FOXF2: variants seen among roughly 807,000 people sequenced by gnomAD.
The protein encoded by FOXF2 is forkhead box protein F2.
In FOXF2, 15 loss-of-function variants were observed where a neutral mutation model predicts 29.1. The observed-to-expected ratio is 0.52, with a 90% CI of 0.35 to 0.79. FOXF2 has a LOEUF of 0.79. FOXF2 is among the 30% of genes least tolerant of loss of function. The pLI, the probability that FOXF2 is intolerant of heterozygous loss-of-function variation, is 0.01. For synonymous variants in FOXF2, 337 were observed against 316.5 expected (o/e 1.06, Z -0.69); for missense variants, 675 against 667.1 (o/e 1.01, Z -0.13).
chr6:1,390,271 C>T lies in FOXF2; in HGVS notation c.324C>T (p.Leu108=). 6.2e-7 allele frequency: 1 copy of T among 1,612,244 alleles called. No homozygotes were observed. The highest frequency in any genetic ancestry group is 8.5e-7 in the Non-Finnish European group (1 of 1,179,780). Residue 108 remains leucine, a synonymous_variant, in exon 1 of 2, where the codon CTC becomes CTT. Transcript: ENST00000645481. The surrounding 1 kb of genome is among the most constrained non-coding windows in gnomAD (Gnocchi z 8.5). Reference sequence around the variant, plus strand: ...AGCCGCCCTACTCGTACATCGCGCTCATCGTCATGGCCATCCAGAGCTCGC... The same window carrying T: ...AGCCGCCCTACTCGTACATCGCGCTTATCGTCATGGCCATCCAGAGCTCGC... ...PEKPPYSYIA[L]IVMAIQSSPS...
At position 1,394,709 on chromosome 6, in the gene FOXF2, TTACCAGCATCACTC is replaced by T; in HGVS notation, c.1189_1202del (p.Gln397SerfsTer4). On this transcript the variant is annotated frameshift_variant, in exon 2 of 2. Coordinates refer to ENST00000645481, the MANE Select transcript of FOXF2 (RefSeq NM_001452.2). LOFTEE classifies it high-confidence loss of function. The stretch of plus-strand genomic sequence containing the variant: ...TTCTTCTTTCAGTGGGACTGCCCCG[TTACCAGCATCACTC>T]TACTCCAGTGTGTGACAGAAAAGAT... 1 of 1,614,142 alleles carries T rather than the reference TTACCAGCATCACTC, an allele frequency of 6.2e-7. No homozygotes were observed. Among genetic ancestry groups the T allele is most frequent in the Non-Finnish European group, 8.5e-7 (1 of 1,180,030 alleles).
rs1035940927 is a variant in FOXF2, at chr6:1,394,564, T to C, written c.1172-132T>C. ...TTGAGCTACTTCTAAAGCTGGGCTT[T>C]CTCTACCAGCTGTCTAGCAATTTAC... On this transcript the variant is annotated intron_variant, in intron 1 of 1. Transcript: ENST00000645481. The C allele has an allele frequency of 1.6e-5, 13 of 805,328 alleles. No individual in the cohort carries two copies. The African/African-American group carries it at 2.2e-4, about 14-fold the overall frequency. 49.9% of individuals were successfully genotyped at this position (805,328 alleles called of 1,614,324 possible). A position where few individuals can be genotyped will look rare whatever the true frequency, so the allele number is the denominator to read the frequency against.
chr6:1,394,913 C>G lies in FOXF2; in HGVS notation c.*54C>G. On this transcript the variant is annotated 3_prime_UTR_variant, in exon 2 of 2. Coordinates refer to ENST00000645481, the MANE Select transcript of FOXF2 (RefSeq NM_001452.2). ...TCTCCTCTCCCCTCCTCAGAGGGGG[C>G]AGATAGAAACTGGGACGGATTCAAG... 4 of 1,547,384 alleles carry G rather than the reference C, an allele frequency of 2.6e-6. No homozygotes were observed. Among genetic ancestry groups the G allele is most frequent in the African/African-American group, 1.4e-5 (1 of 73,728 alleles).
intron 1 of FOXF2, among the ~76,000 whole-genome samples, chr6:1,393,904 C>T (rs1581263680): frequency 6.6e-6 from 1 of 152,158 alleles, no homozygotes; most frequent in Non-Finnish European, 1.5e-5. Context: ...TCAAGCGGCC[C>T]GGTGCAGGCC....
chr6:1,394,621 A>G (rs916094534), intron 1 of FOXF2, 75 bp from the exon 2 acceptor site: 4 of 1,461,394 alleles, frequency 2.7e-6, no homozygotes, highest in Non-Finnish European at 3.8e-6. Context: ...TTGTACTCTG[A>G]GGCAAAATAA....
chr6:1,392,402 T>G (rs1378849947), intron 1 of FOXF2, among the ~76,000 whole-genome samples: 3 of 150,892 alleles, frequency 2.0e-5, no homozygotes, highest in African/African-American at 7.4e-5. Flanking sequence ...CCTTCCCCTC[T>G]TATTTTTGTA....
At chr6:1,392,340 CAG>C (rs1230055900) in intron 1 of FOXF2, among the ~76,000 whole-genome samples, 4 of 151,976 alleles carry the variant, frequency 2.6e-5, no homozygotes, top group Admixed American at 6.6e-5. Context: ...CCACTGAGAA[CAG>C]AGTCTTGTTC....
In FOXF2 at chr6:1,390,116, GCCTCGT is replaced by G; in HGVS notation, c.180_185del (p.Ser62_Ser63del). 7.0e-7 allele frequency: 1 copy of G among 1,436,598 alleles called. No individual in the cohort carries two copies. The highest frequency in any genetic ancestry group is 9.2e-7 in the Non-Finnish European group (1 of 1,081,108). The allele number at this position is 1,436,598 out of a possible 1,614,324, so 89.0% of individuals were successfully genotyped here. On this transcript the variant is annotated inframe_deletion, in exon 1 of 2. Coordinates refer to ENST00000645481, the MANE Select transcript of FOXF2 (RefSeq NM_001452.2). The surrounding 1 kb of genome is among the most constrained non-coding windows in gnomAD (Gnocchi z 8.5). ...CTCGTCGTCGTCCTCCGCCTCCTGC[GCCTCGT>G]CCTCGTCCTCCTCCAATTCGGCCAG...
In FOXF2 at chr6:1,390,633, C is replaced by G. The variant is rs759172368; in HGVS notation, c.686C>G (p.Ala229Gly). 4.4e-6 allele frequency: 7 copies of G among 1,581,774 alleles called. No homozygotes were observed. Among genetic ancestry groups the G allele is most frequent in the Middle Eastern group, 1.7e-4 (1 of 5,830 alleles). Residue 229 changes from alanine (A) to glycine (G), a missense_variant, in exon 1 of 2, where the codon GCG (alanine) becomes GGG (glycine). This residue lies in a region of FOXF2 where 451 missense variants were observed against 437.2 expected (regional missense o/e 1.03). Transcript: ENST00000645481. This position sits in a 1 kb window ranked among gnomAD's most constrained non-coding sequence, Gnocchi z 8.5. ...CTGCCCCAGGGCTTCGACTTCCAGG[C>G]GCCCCCGTCGGCGCCGCTCGGCTGC... ...SLLPQGFDFQ[A>G]PPSAPLGCHS... is the part of the protein sequence containing the mutation.
Position 1,395,111 on chromosome 6 carries a change from G to A in FOXF2, c.*252G>A. 1.8e-6 allele frequency: 1 copy of A among 548,070 alleles called. No homozygotes were observed. The highest frequency in any genetic ancestry group is 3.1e-5 in the Admixed American group (1 of 32,262). 34.0% of individuals were successfully genotyped at this position (548,070 alleles called of 1,614,324 possible). Reference sequence around the variant, plus strand: ...CCACATGAGGGAGAGGGCAGACTCAGGTGGGAAGATGTGCCATGCGTAAGG... The same window carrying A: ...CCACATGAGGGAGAGGGCAGACTCAAGTGGGAAGATGTGCCATGCGTAAGG... On this transcript the variant is annotated 3_prime_UTR_variant, in exon 2 of 2. Coordinates refer to ENST00000645481, the MANE Select transcript of FOXF2 (RefSeq NM_001452.2).
At chr6:1,394,284 C>T (rs1427131458) in intron 1 of FOXF2, among the ~76,000 whole-genome samples, 1 of 152,168 alleles carries the variant, frequency 6.6e-6, no homozygotes, top group Admixed American at 6.5e-5. Context: ...GTGCTTGGCC[C>T]TCCCTGAAGC....
Position 1,390,236 on chromosome 6 carries a change from C to T in FOXF2, c.289C>T (p.Arg97Trp). ...CAAGAAGGCGAGCTCGGGGCTGCGG[C>T]GGCCCGAGAAGCCGCCCTACTCGTA... ...GAKKASSGLR[R>W]PEKPPYSYIA... is the part of the protein sequence containing the mutation. Residue 97 changes from arginine to tryptophan, a missense_variant, in exon 1 of 2, where the codon CGG becomes TGG. By Grantham distance (101) the Arg-to-Trp change is moderately radical (BLOSUM62 -3). This residue lies in a region of FOXF2 where 220 missense variants were observed against 205.5 expected (regional missense o/e 1.07). Coordinates refer to ENST00000645481, the MANE Select transcript of FOXF2 (RefSeq NM_001452.2). This position sits in a 1 kb window ranked among gnomAD's most constrained non-coding sequence, Gnocchi z 8.5. 3 of 1,600,110 alleles carry T rather than the reference C, an allele frequency of 1.9e-6. No homozygotes were observed. Among genetic ancestry groups the T allele is most frequent in the Non-Finnish European group, 2.6e-6 (3 of 1,175,782 alleles).
chr6:1,390,613 C>T lies in FOXF2; in HGVS notation c.666C>T (p.Pro222=). The T allele has an allele frequency of 1.3e-6, 2 of 1,590,850 alleles. No homozygotes were observed. The highest frequency in any genetic ancestry group is 4.5e-5 in the East Asian group (2 of 43,966). ...SGLGFGASLL[P]QGFDFQAPPS... ...TGGGCTTCGGGGCGTCGCTGCTGCC[C>T]CAGGGCTTCGACTTCCAGGCGCCCC... Residue 222 remains proline, a synonymous_variant, in exon 1 of 2, where the codon CCC becomes CCT. Transcript: ENST00000645481. This position sits in a 1 kb window ranked among gnomAD's most constrained non-coding sequence, Gnocchi z 8.5.
chr6:1,392,382 A>G (rs914088393), intron 1 of FOXF2, among the ~76,000 whole-genome samples: 8 of 151,638 alleles, frequency 5.3e-5, no homozygotes, highest in Admixed American at 6.6e-5. Context: ...CAAGTAACCA[A>G]TACAGGCGGC....
At chr6:1,393,566 G>A (rs1290747178) in intron 1 of FOXF2, among the ~76,000 whole-genome samples, 2 of 152,164 alleles carry the variant, frequency 1.3e-5, no homozygotes, top group African/African-American at 4.8e-5. Context: ...AGTAGGCAGC[G>A]GCCCCTGAGC....
At position 1,394,739 on chromosome 6, in the gene FOXF2, C is replaced by A. The variant is rs754949198; in HGVS notation, c.1215C>A (p.Asp405Glu). The A allele has an allele frequency of 6.2e-7, 1 of 1,614,114 alleles. No homozygotes were observed. The highest frequency in any genetic ancestry group is 1.7e-5 in the Admixed American group (1 of 60,024). ...RYQHHSTPVC[D>E]RKDFVLNFNG... Reference sequence around the variant, plus strand: ...AGCATCACTCTACTCCAGTGTGTGACAGAAAAGATTTCGTCCTCAACTTCA... The same window carrying A: ...AGCATCACTCTACTCCAGTGTGTGAAAGAAAAGATTTCGTCCTCAACTTCA... The change falls in exon 2 of 2, where the codon GAC (aspartate) becomes GAA (glutamate). Residue 405 changes from aspartate (D) to glutamate (E), a missense_variant. Asp to Glu is a conservative substitution (Grantham distance 45). Around this residue, in one of 3 missense-constraint regions of FOXF2, gnomAD observed 451 missense variants for 437.2 expected, o/e 1.03. Coordinates refer to ENST00000645481, the MANE Select transcript of FOXF2 (RefSeq NM_001452.2).
chr6:1,392,793 C>T (rs1483710139), intron 1 of FOXF2, among the ~76,000 whole-genome samples: 1 of 152,222 alleles, frequency 6.6e-6, no homozygotes, highest in Non-Finnish European at 1.5e-5. Flanking sequence ...CAAAGCAAGC[C>T]GGCCTCTGTG....
intron 1 of FOXF2, among the ~76,000 whole-genome samples, chr6:1,394,105 G>A (rs947748119): frequency 1.2e-4 from 19 of 152,238 alleles, no homozygotes; most frequent in Admixed American, 6.5e-5. Context: ...CCTGCGGAGG[G>A]GCAGGAGAAG....
rs1758777826 is a variant in FOXF2 at position 1,391,018 on chromosome 6, C to T, written c.1071C>T (p.Pro357=). 6.3e-7 allele frequency: 1 copy of T among 1,598,692 alleles called. No homozygotes were observed. Among genetic ancestry groups the T allele is most frequent in the Non-Finnish European group, 8.5e-7 (1 of 1,178,074 alleles). The change falls in exon 1 of 2, where the codon CCC becomes CCT. Residue 357 remains proline (P), a synonymous_variant. Coordinates refer to ENST00000645481, the MANE Select transcript of FOXF2 (RefSeq NM_001452.2). ...TCAAGCAGCCGCCTGCCCTGACGCC[C>T]AGCAGCAACCCCGCCGCCTCGGCAG... ...PYLKQPPALT[P]SSNPAASAGL... is the part of the protein sequence containing the mutation.
Sources: allele counts gnomAD v4.1 joint callset (sites outside exome capture counted in the v4.1 genomes callset), GRCh38; gene constraint gnomAD v4.1.1; regional missense constraint gnomAD v4.1.1; non-coding constraint Gnocchi (gnomAD v3.1); transcripts MANE v1.5; gene names NCBI Gene and HGNC (gene_info 2026-07-23, HGNC 2026-07-21).